Variants in CRMP1 observed in about 807,000 individuals in gnomAD.
CRMP1 encodes dihydropyrimidinase-related protein 1.
Under a neutral mutation model 68.3 loss-of-function variants are expected in CRMP1, and 19 were observed. The ratio of observed to expected loss-of-function variants is 0.28; its 90% CI spans 0.19 to 0.41. The LOEUF (loss-of-function observed/expected upper bound fraction) is 0.41. Ranked by LOEUF, CRMP1 falls within the 10% of genes least tolerant of loss-of-function variation. The pLI, the probability that CRMP1 is intolerant of heterozygous loss-of-function variation, is 1.00. For missense variants in CRMP1, 791 were observed against 967.4 expected, an observed-to-expected ratio of 0.82 and a Z score of 2.42; for synonymous variants, 439 against 399.6, an observed-to-expected ratio of 1.10 and a Z score of -1.18.
In CRMP1 at chr4:5,872,710, C is replaced by T. The variant is rs985475288; in HGVS notation, c.382-5954G>A. On this transcript the variant is annotated intron_variant, in intron 1 of 13. Coordinates refer to ENST00000324989, the MANE Select transcript of CRMP1 (RefSeq NM_001014809.3). The surrounding 1 kb of genome is among the most constrained non-coding windows in gnomAD (Gnocchi z 4.6). ...TCAAAAAACAATTATTATGTATAAA[C>T]CTTGAAGAAATAAAGCATCTCATGA... Among the ~76,000 whole-genome samples, 26 of 152,284 alleles carry T rather than the reference C, an allele frequency of 1.7e-4. No homozygotes were observed. The highest frequency in any genetic ancestry group is 5.5e-4 in the African/African-American group (23 of 41,556).
chr4:5,849,285 G>C, intron 6 of CRMP1, 107 bp downstream of exon 6: 1 of 885,692 alleles, frequency 1.1e-6, no homozygotes, highest in Non-Finnish European at 1.8e-6. Context: ...TTCCTGGCTT[G>C]ACCTTTCATT....
chr4:5,837,741 A>G (rs1720826587), intron 9 of CRMP1, among the ~76,000 whole-genome samples: 1 of 151,590 alleles, frequency 6.6e-6, no homozygotes, highest in Admixed American at 6.6e-5. Flanking sequence ...ATGCAAGGTG[A>G]GGAAGGTGAG....
intron 2 of CRMP1, among the ~76,000 whole-genome samples, chr4:5,864,511 T>A (rs1253639873): frequency 1.3e-5 from 2 of 152,234 alleles, no homozygotes; most frequent in Non-Finnish European, 2.9e-5. Flanking sequence ...ATGGCCAGCA[T>A]TCATTTGTTT....
intron 1 of CRMP1, among the ~76,000 whole-genome samples, chr4:5,874,860 C>G (rs1330716974): frequency 6.6e-6 from 1 of 152,204 alleles, no homozygotes; most frequent in African/African-American, 2.4e-5. Context: ...CCTAACCCCA[C>G]TAGCTGAGAG....
chr4:5,844,523 T>C (rs1028292511), intron 6 of CRMP1, among the ~76,000 whole-genome samples: 6 of 152,196 alleles, frequency 3.9e-5, no homozygotes, highest in African/African-American at 1.4e-4. Flanking sequence ...TGCATTTGTT[T>C]CACTGCCTTC....
At chr4:5,876,167 G>C (rs1714816147) in intron 1 of CRMP1, among the ~76,000 whole-genome samples, 1 of 148,670 alleles carries the variant, frequency 6.7e-6, no homozygotes, top group Admixed American at 6.7e-5. Context: ...AAAAAAAAAA[G>C]TTTTGTTTCA....
intron 6 of CRMP1, among the ~76,000 whole-genome samples, chr4:5,846,214 T>G (rs1712185826): frequency 6.6e-6 from 1 of 152,176 alleles, no homozygotes; most frequent in Non-Finnish European, 1.5e-5. Flanking sequence ...AAGAATCACT[T>G]GAACCCAGGA....
At chr4:5,887,561 G>C in intron 1 of CRMP1, 1 of 985,072 alleles carries the variant, frequency 1.0e-6, no homozygotes, top group Non-Finnish European at 1.2e-6. Context: ...GACGCAGCCC[G>C]GCTGTTCTGC....
intron 11 of CRMP1, among the ~76,000 whole-genome samples, chr4:5,832,245 G>A (rs933529000): frequency 1.3e-5 from 2 of 152,188 alleles, no homozygotes; most frequent in African/African-American, 4.8e-5. Context: ...CTGGAATTAT[G>A]ATTGTACAAC....
intron 1 of CRMP1, among the ~76,000 whole-genome samples, chr4:5,868,261 C>CTATCTATATATATATA (rs1210674102): frequency 3.6e-5 from 4 of 111,454 alleles, no homozygotes; most frequent in Admixed American, 1.0e-4. Context: ...GACTATATAT[C>CTATCTATATATATATA]TATATATATA....
At chr4:5,845,590 C>G (rs1175755012) in intron 6 of CRMP1, among the ~76,000 whole-genome samples, 1 of 152,222 alleles carries the variant, frequency 6.6e-6, no homozygotes, top group Non-Finnish European at 1.5e-5. Flanking sequence ...CTGTGAGACC[C>G]TCAGCCAGAA....
intron 1 of CRMP1, chr4:5,887,700 T>C (rs1484723565): frequency 2.0e-6 from 2 of 985,156 alleles, no homozygotes; most frequent in African/African-American, 1.8e-5. Flanking sequence ...GCTTCCATCA[T>C]GGCGCTGTCC....
chr4:5,886,528 T>C (rs1715598839), intron 1 of CRMP1, among the ~76,000 whole-genome samples: 2 of 152,360 alleles, frequency 1.3e-5, no homozygotes, highest in East Asian at 1.9e-4. Flanking sequence ...TGGTGACCAC[T>C]TCAGCTTAGC....
Position 5,846,757 on chromosome 4 carries a change from A to AT in CRMP1, c.963+2634dup, listed in dbSNP as rs71171490. 2.0e-3 allele frequency among the ~76,000 whole-genome samples: 106 copies of AT among 53,734 alleles called. 12 individuals carry two copies. Among genetic ancestry groups the AT allele is most frequent in the African/African-American group, 5.2e-3 (48 of 9,180 alleles). 35.3% of individuals were successfully genotyped at this position (53,734 alleles called of 152,430 possible). On this transcript the variant is annotated intron_variant, in intron 6 of 13. Transcript: ENST00000324989. Reference sequence around the variant, plus strand: ...AGGCACCCGCCACCATGCCCGGCTAATTTTTTTTTTTTTTTTTTTTTTTTT... The same window carrying AT: ...AGGCACCCGCCACCATGCCCGGCTAATTTTTTTTTTTTTTTTTTTTTTTTTT...
chr4:5,854,722 G>A lies in CRMP1; in HGVS notation c.820+1421C>T, dbSNP rs914718487. On this transcript the variant is annotated intron_variant, in intron 4 of 13. Transcript: ENST00000324989. The surrounding 1 kb of genome is among the most constrained non-coding windows in gnomAD (Gnocchi z 4.0). ...TGTCTTTCACCCATCGAATCGGCAA[G>A]GATTTCATAGAAGCAATAATGCCCA... is the stretch of plus-strand genomic sequence containing the variant. 3.9e-5 allele frequency among the ~76,000 whole-genome samples: 6 copies of A among 152,178 alleles called. No homozygotes were observed. The East Asian group carries it at 1.2e-3, about 29-fold the overall frequency.
In CRMP1 at chr4:5,858,141, G is replaced by A. The variant is rs2152466843; in HGVS notation, c.656-1834C>T. 6.6e-6 allele frequency among the ~76,000 whole-genome samples: 1 copy of A among 152,202 alleles called. No individual in the cohort carries two copies. Among genetic ancestry groups the A allele is most frequent in the Non-Finnish European group, 1.5e-5 (1 of 68,010 alleles). On this transcript the variant is annotated intron_variant, in intron 3 of 13. Transcript: ENST00000324989. The surrounding 1 kb of genome is among the most constrained non-coding windows in gnomAD (Gnocchi z 5.5). ...CCTTCCTTAAACTCGCTTCTCTCCA[G>A]CTTCCATGGCAACGCCACCTTCTGG...
chr4:5,859,875 G>T lies in CRMP1; in HGVS notation c.655+1151C>A, dbSNP rs1713406616. 6.6e-6 allele frequency among the ~76,000 whole-genome samples: 1 copy of T among 152,216 alleles called. No homozygotes were observed. On this transcript the variant is annotated intron_variant, in intron 3 of 13. Coordinates refer to ENST00000324989, the MANE Select transcript of CRMP1 (RefSeq NM_001014809.3). The surrounding 1 kb of genome is among the most constrained non-coding windows in gnomAD (Gnocchi z 5.2). ...TGAAGGAGCGGGAGAGATGGGCAGG[G>T]TTGGGGCCAGCTTACAGACAGGCCT...
intron 2 of CRMP1, among the ~76,000 whole-genome samples, chr4:5,863,115 C>T (rs1182636173): frequency 5.0e-5 from 7 of 140,100 alleles, no homozygotes; most frequent in Non-Finnish European, 6.1e-5. Flanking sequence ...TCTTTTTTTC[C>T]TTTTTTTTTT....
chr4:5,876,652 T>A (rs185825168), intron 1 of CRMP1, among the ~76,000 whole-genome samples: 1 of 152,240 alleles, frequency 6.6e-6, no homozygotes, highest in African/African-American at 2.4e-5. Flanking sequence ...GTTTTGAAAG[T>A]TTTTAGTCCT....
Sources: allele counts gnomAD v4.1 joint callset (sites outside exome capture counted in the v4.1 genomes callset), GRCh38; gene constraint gnomAD v4.1.1; non-coding constraint Gnocchi (gnomAD v3.1); transcripts MANE v1.5; gene names NCBI Gene and HGNC (gene_info 2026-07-23, HGNC 2026-07-21).